Variants in ITPR2 observed in about 807,000 individuals in gnomAD.
ITPR2 encodes inositol 1,4,5-trisphosphate-gated calcium channel ITPR2.
ITPR2 carries 207 observed loss-of-function variants against 317.1 expected under a neutral mutation model. The ratio of observed to expected loss-of-function variants is 0.65; its 90% CI spans 0.58 to 0.73. ITPR2 has a LOEUF of 0.73. ITPR2 is among the 30% of genes least tolerant of loss of function. The probability of loss-of-function intolerance (pLI) is 0.00; values close to 1 mark genes in which losing one functional copy is unlikely to be tolerated. For missense variants in ITPR2, 2,613 were observed against 3,284.0 expected, an observed-to-expected ratio of 0.80 and a Z score of 4.99; for synonymous variants, 1,156 against 1,149.1, an observed-to-expected ratio of 1.01 and a Z score of -0.12.
intron 10 of ITPR2, among the ~76,000 whole-genome samples, chr12:26,692,447 C>A (rs1328117060): frequency 6.6e-6 from 1 of 152,174 alleles, no homozygotes; most frequent in African/African-American, 2.4e-5. Context: ...CAAGAAAAAT[C>A]AGATCATATT....
intron 34 of ITPR2, among the ~76,000 whole-genome samples, chr12:26,574,773 G>A (rs1945238021): frequency 6.6e-6 from 1 of 152,132 alleles, no homozygotes; most frequent in African/African-American, 2.4e-5. Flanking sequence ...CACAGGGAGA[G>A]CAGACGGGGT....
At chr12:26,727,302 C>T (rs1335909682) in intron 2 of ITPR2, among the ~76,000 whole-genome samples, 2 of 152,096 alleles carry the variant, frequency 1.3e-5, no homozygotes, top group African/African-American at 2.4e-5. Flanking sequence ...TTTGACTATC[C>T]TATATTAGGC....
At chr12:26,710,533 C>T (rs1042078272) in intron 9 of ITPR2, among the ~76,000 whole-genome samples, 1 of 152,180 alleles carries the variant, frequency 6.6e-6, no homozygotes, top group African/African-American at 2.4e-5. Flanking sequence ...CTGGAAAAGA[C>T]TAGCTTCAAA....
chr12:26,649,769 TAGACTAGA>T (rs1458823079), intron 21 of ITPR2, among the ~76,000 whole-genome samples: 2 of 146,088 alleles, frequency 1.4e-5, no homozygotes, highest in African/African-American at 2.5e-5. Context: ...ACAGGATAGA[TAGACTAGA>T]TAGATAGATA....
At chr12:26,579,403 A>AT (rs1373976207) in intron 33 of ITPR2, among the ~76,000 whole-genome samples, 2 of 152,150 alleles carry the variant, frequency 1.3e-5, no homozygotes, top group African/African-American at 2.4e-5. Context: ...ATATTTGAAG[A>AT]TATTTACTCC....
chr12:26,376,191 A>G (rs1443790923), intron 55 of ITPR2, among the ~76,000 whole-genome samples: 1 of 152,208 alleles, frequency 6.6e-6, no homozygotes, highest in Non-Finnish European at 1.5e-5. Context: ...TCAGTTTTGT[A>G]TTAGAATTCT....
chr12:26,830,061 G>A (rs1468155671), intron 1 of ITPR2, among the ~76,000 whole-genome samples: 1 of 152,080 alleles, frequency 6.6e-6, no homozygotes, highest in Non-Finnish European at 1.5e-5. Context: ...CCGCCACCAC[G>A]CCCAGCTAAT....
At chr12:26,342,488 T>A (rs1188107330) in intron 55 of ITPR2, among the ~76,000 whole-genome samples, 4 of 8,394 alleles carry the variant, frequency 4.8e-4, no homozygotes, top group African/African-American at 2.6e-3. Context: ...GGTGTTTGGG[T>A]CACGGCGGTG....
intron 2 of ITPR2, among the ~76,000 whole-genome samples, chr12:26,743,823 G>C (rs576006476): frequency 2.6e-5 from 4 of 152,134 alleles, no homozygotes; most frequent in Non-Finnish European, 5.9e-5. Flanking sequence ...CCCGGGAGGC[G>C]GAGGTTGAGG....
intron 1 of ITPR2, among the ~76,000 whole-genome samples, chr12:26,808,503 T>G (rs1256076003): frequency 6.6e-6 from 1 of 152,198 alleles, no homozygotes; most frequent in Admixed American, 6.5e-5. Flanking sequence ...TTCTAGGCAC[T>G]GGGGATAAAG....
chr12:26,452,995 T>A (rs1941776303), intron 45 of ITPR2, among the ~76,000 whole-genome samples: 1 of 152,206 alleles, frequency 6.6e-6, no homozygotes, highest in African/African-American at 2.4e-5. Context: ...TATTAGTTTA[T>A]GAATTAATTT....
chr12:26,350,281 G>A (rs571437721), intron 55 of ITPR2, among the ~76,000 whole-genome samples: 2 of 152,202 alleles, frequency 1.3e-5, no homozygotes, highest in Non-Finnish European at 2.9e-5. Flanking sequence ...CTGGGCTCTG[G>A]AGTTTCAAAG....
intron 13 of ITPR2, among the ~76,000 whole-genome samples, chr12:26,674,862 C>A (rs1947872289): frequency 6.6e-6 from 1 of 151,656 alleles, no homozygotes; most frequent in Non-Finnish European, 1.5e-5. Flanking sequence ...AAAAAACAAA[C>A]AACCCCATCA....
At chr12:26,625,394 T>C (rs1007944971) in intron 23 of ITPR2, among the ~76,000 whole-genome samples, 1 of 152,154 alleles carries the variant, frequency 6.6e-6, no homozygotes, top group African/African-American at 2.4e-5. Context: ...TTTATCCTGA[T>C]ATGATTATTA....
intron 18 of ITPR2, among the ~76,000 whole-genome samples, chr12:26,657,208 C>T (rs1054499084): frequency 6.6e-6 from 1 of 152,234 alleles, no homozygotes; most frequent in African/African-American, 2.4e-5. Context: ...CCACCAGGAA[C>T]TGCCTTCAGT....
intron 45 of ITPR2, among the ~76,000 whole-genome samples, chr12:26,467,571 G>A (rs945945804): frequency 1.3e-5 from 2 of 152,122 alleles, no homozygotes; most frequent in Admixed American, 1.3e-4. Context: ...AGTAAAAGCA[G>A]GCAGAAGGAG....
intron 22 of ITPR2, among the ~76,000 whole-genome samples, chr12:26,629,367 G>A (rs114280869): frequency 0.025 from 3,801 of 152,100 alleles, 167 homozygotes; most frequent in African/African-American, 0.086. Flanking sequence ...CAAAGGGATC[G>A]CTTGACCTCA....
At chr12:26,775,175 C>T (rs1051867752) in intron 2 of ITPR2, among the ~76,000 whole-genome samples, 14 of 152,078 alleles carry the variant, frequency 9.2e-5, no homozygotes, top group Admixed American at 2.0e-4. Flanking sequence ...ATCTATTGCT[C>T]CTCAGATATA....
chr12:26,637,715 G>A (rs1041112540), intron 21 of ITPR2, among the ~76,000 whole-genome samples: 1 of 152,118 alleles, frequency 6.6e-6, no homozygotes, highest in Non-Finnish European at 1.5e-5. Context: ...ATTTAATTAT[G>A]TTCCATTATA....
Sources: gnomAD v4.1 joint callset for allele counts (sites outside exome capture counted in the v4.1 genomes callset) on GRCh38, gnomAD v4.1.1 for gene constraint, MANE v1.5 for transcripts, NCBI Gene and HGNC (gene_info 2026-07-23, HGNC 2026-07-21) for gene names.